The following ZNF460 variants were observed in gnomAD, a reference collection of about 807,000 sequenced individuals.
The protein encoded by ZNF460 is zinc finger protein 272.
ZNF460 carries 1 observed loss-of-function variant against 8.4 expected under a neutral mutation model. The ratio of observed to expected loss-of-function variants is 0.12; its 90% CI spans 0.04 to 0.56. The LOEUF (loss-of-function observed/expected upper bound fraction) is 0.56, where lower values mean the gene tolerates loss of function less well. Among genes scored for constraint, ZNF460 ranks in the 20% least tolerant of loss-of-function variants. The pLI, the probability that ZNF460 is intolerant of heterozygous loss-of-function variation, is 0.91. For synonymous variants in ZNF460, 262 were observed against 259.9 expected, an observed-to-expected ratio of 1.01 and a Z score of -0.08; for missense variants, 477 against 714.8, an observed-to-expected ratio of 0.67 and a Z score of 3.79.
chr19:57,284,192 C>CTTTATTTA (rs10558874), intron 1 of ZNF460, among the ~76,000 whole-genome samples: 1 of 148,804 alleles, frequency 6.7e-6, no homozygotes, highest in South Asian at 2.1e-4. Flanking sequence ...GCCTAGGAGG[C>CTTTATTTA]TTTATTTATT....
Position 57,283,502 on chromosome 19 carries a change from C to CTTTTTTTTT in ZNF460, c.31-1033_31-1025dup, listed in dbSNP as rs926242067. Reference sequence around the variant, plus strand: ...TTTTTCTTTAGTTCTTTTGACTATTCTTTTTTTTTTTTTTTTTTTTTTTTG... The same window carrying CTTTTTTTTT: ...TTTTTCTTTAGTTCTTTTGACTATTCTTTTTTTTTTTTTTTTTTTTTTTTTTTTTTTTTG... On this transcript the variant is annotated intron_variant, in intron 1 of 2. Coordinates refer to ENST00000360338, the MANE Select transcript of ZNF460 (RefSeq NM_006635.4). Among the ~76,000 whole-genome samples, 157 of 68,544 alleles carry CTTTTTTTTT rather than the reference C, an allele frequency of 2.3e-3. 9 individuals are homozygous for CTTTTTTTTT. Among genetic ancestry groups the CTTTTTTTTT allele is most frequent in the South Asian group, 4.3e-3 (7 of 1,614 alleles). 45.0% of individuals were successfully genotyped at this position (68,544 alleles called of 152,430 possible).
At chr19:57,284,449 G>T in intron 1 of ZNF460, 102 bp from the exon 2 acceptor site, 1 of 1,446,254 alleles carries the variant, frequency 6.9e-7, no homozygotes, top group Non-Finnish European at 9.3e-7. Flanking sequence ...TGGTGATTTG[G>T]CCTTTGATTC....
chr19:57,282,718 G>T (rs1388678490), intron 1 of ZNF460, among the ~76,000 whole-genome samples: 3 of 152,140 alleles, frequency 2.0e-5, no homozygotes, highest in Admixed American at 1.3e-4. Context: ...GGCTGGGCTT[G>T]GTGGCTCACA....
chr19:57,292,224 A>G lies in ZNF460; in HGVS notation c.1683A>G (p.Pro561=), dbSNP rs749061728. ...GATTCATAGTGGAAGAAACCCTACC[A>G]TTGTAACAGATGTGGAAAGACTTTT... ...INGFIVEETL[P]L The change falls in exon 3 of 3, where the codon CCA becomes CCG. Residue 561 remains proline, a synonymous_variant. Coordinates refer to ENST00000360338, the MANE Select transcript of ZNF460 (RefSeq NM_006635.4). 5 of 1,608,420 alleles carry G rather than the reference A, an allele frequency of 3.1e-6. No homozygotes were observed. Among genetic ancestry groups the G allele is most frequent in the African/African-American group, 1.3e-5 (1 of 74,938 alleles).
At chr19:57,286,743 C>T (rs1003364231) in intron 2 of ZNF460, among the ~76,000 whole-genome samples, 4 of 152,032 alleles carry the variant, frequency 2.6e-5, no homozygotes, top group Admixed American at 6.6e-5. Context: ...GGGTGGATCT[C>T]CTGAGGTCAG....
intron 2 of ZNF460, among the ~76,000 whole-genome samples, chr19:57,289,849 C>G (rs2087904100): frequency 6.6e-6 from 1 of 151,796 alleles, no homozygotes; most frequent in South Asian, 2.1e-4. Flanking sequence ...TTTAAAAATA[C>G]AAAAAATTTA....
chr19:57,286,732 C>T (rs1374097810), intron 2 of ZNF460, among the ~76,000 whole-genome samples: 2 of 151,204 alleles, frequency 1.3e-5, no homozygotes, highest in Non-Finnish European at 2.9e-5. Context: ...GAGGCTGAGG[C>T]GGGTGGATCT....
chr19:57,281,046 T>TC (rs2122879668), intron 1 of ZNF460, among the ~76,000 whole-genome samples: 1 of 152,298 alleles, frequency 6.6e-6, no homozygotes, highest in East Asian at 1.9e-4. Flanking sequence ...GGAGTGATGC[T>TC]TCCTTCTAGG....
Position 57,293,279 on chromosome 19 carries a change from C to T in ZNF460, c.*1049C>T, listed in dbSNP as rs1415935922. The T allele has an allele frequency of 1.3e-5, 2 of 152,090 alleles. No homozygotes were observed. Among genetic ancestry groups the T allele is most frequent in the Non-Finnish European group, 2.9e-5 (2 of 68,022 alleles). 9.4% of individuals were successfully genotyped at this position (152,090 alleles called of 1,614,324 possible). ...AAGTAAGTTAAAAGATTATGATAAA[C>T]TCAGAAAATAAACACAGAGAAGGAA... On this transcript the variant is annotated 3_prime_UTR_variant, in exon 3 of 3. Transcript: ENST00000360338.
chr19:57,281,814 TCTGGG>T (rs1475193543), intron 1 of ZNF460: 2 of 152,070 alleles, frequency 1.3e-5, no homozygotes, highest in African/African-American at 2.4e-5. Context: ...GATCCACCCA[TCTGGG>T]TCTCCCAAAG....
At chr19:57,281,021 C>T (rs56332937) in intron 1 of ZNF460, among the ~76,000 whole-genome samples, 185 bp downstream of exon 1, 7,303 of 152,274 alleles carry the variant, frequency 0.048, 383 homozygotes, top group East Asian at 0.28. Context: ...GATAGGTGTT[C>T]AGTCCGTGGT....
chr19:57,280,608 A>G lies in ZNF460; in HGVS notation c.-199A>G. On this transcript the variant is annotated 5_prime_UTR_variant, in exon 1 of 3. Transcript: ENST00000360338. ...GAGCCTGACGCCCCGCTTCTCCCCT[A>G]ACGAGGTGTCCCACCGGCGCCCGCC... 1 of 655,618 alleles carries G rather than the reference A, an allele frequency of 1.5e-6. No individual in the cohort carries two copies. The highest frequency in any genetic ancestry group is 2.6e-6 in the Non-Finnish European group (1 of 388,438). 40.6% of individuals were successfully genotyped at this position (655,618 alleles called of 1,614,324 possible).
chr19:57,290,790 A>C lies in ZNF460; in HGVS notation c.249A>C (p.Gly83=), dbSNP rs368592252. Residue 83 remains glycine (G), a synonymous_variant, in exon 3 of 3, where the codon GGA becomes GGC. Transcript: ENST00000360338. ...EVSLQEQLAQ[G]VPRYSYLGQA... ...CACTCCAGGAACAGCTGGCACAGGG[A>C]GTCCCAAGATACTCCTATTTGGGGC... 6.2e-7 allele frequency: 1 copy of C among 1,614,198 alleles called. No homozygotes were observed. Among genetic ancestry groups the C allele is most frequent in the East Asian group, 2.2e-5 (1 of 44,878 alleles).
rs749920169 is a variant in ZNF460 at position 57,290,773 on chromosome 19, G to A, written c.232G>A (p.Glu78Lys). 3.1e-6 allele frequency: 5 copies of A among 1,614,166 alleles called. No homozygotes were observed. The highest frequency in any genetic ancestry group is 3.4e-6 in the Non-Finnish European group (4 of 1,180,044). Residue 78 changes from glutamate (E) to lysine (K), a missense_variant, in exon 3 of 3, where the codon GAA (glutamate) becomes AAA (lysine). Transcript: ENST00000360338. ...CTTGCCTGAGGAAGTCTCACTCCAG[G>A]AACAGCTGGCACAGGGAGTCCCAAG... ...LALPEEVSLQ[E>K]QLAQGVPRYS...
chr19:57,291,654 G>A lies in ZNF460; in HGVS notation c.1113G>A (p.Lys371=). 6.2e-7 allele frequency: 1 copy of A among 1,613,896 alleles called. No individual in the cohort carries two copies. The highest frequency in any genetic ancestry group is 1.1e-5 in the South Asian group (1 of 91,070). The change falls in exon 3 of 3, where the codon AAG becomes AAA. Residue 371 remains lysine, a synonymous_variant. Transcript: ENST00000360338. The surrounding 1 kb of genome is among the most constrained non-coding windows in gnomAD (Gnocchi z 8.4). ...CCTTTGTGTGCAGTCAATGTGGAAAGGCCTTCACTCACTATTCCACCTATG... is the reference window on the plus strand; with the variant it reads ...CCTTTGTGTGCAGTCAATGTGGAAAAGCCTTCACTCACTATTCCACCTATG... ...EKPFVCSQCG[K]AFTHYSTYVL...
At chr19:57,284,775 T>C in intron 2 of ZNF460, 98 bp downstream of exon 2, 1 of 1,329,842 alleles carries the variant, frequency 7.5e-7, no homozygotes, top group Non-Finnish European at 9.8e-7. Flanking sequence ...GGAATAGGTC[T>C]TGGGAGCCAG....
chr19:57,284,114 G>A (rs1055126365), intron 1 of ZNF460, among the ~76,000 whole-genome samples: 1 of 152,094 alleles, frequency 6.6e-6, no homozygotes, highest in African/African-American at 2.4e-5. Context: ...AGCACTTACT[G>A]TCTGTGCCTC....
At position 57,293,381 on chromosome 19, in the gene ZNF460, C is replaced by G. The variant is rs1351717554; in HGVS notation, c.*1151C>G. 1 of 152,170 alleles carries G rather than the reference C, an allele frequency of 6.6e-6. No homozygotes were observed. The highest frequency in any genetic ancestry group is 6.5e-5 in the Admixed American group (1 of 15,272). 9.4% of individuals were successfully genotyped at this position (152,170 alleles called of 1,614,324 possible). On this transcript the variant is annotated 3_prime_UTR_variant, in exon 3 of 3. Coordinates refer to ENST00000360338, the MANE Select transcript of ZNF460 (RefSeq NM_006635.4). ...GTGACTGGAATTTTAACAGGTGAAC[C>G]TGCATATGTATATGCAGGTAGTTGT...
intron 2 of ZNF460, among the ~76,000 whole-genome samples, chr19:57,286,077 A>T (rs2087877443): frequency 6.6e-6 from 1 of 152,174 alleles, no homozygotes; most frequent in Admixed American, 6.5e-5. Flanking sequence ...GTAAAATGGG[A>T]CAATATGTGC....
Sources: allele counts gnomAD v4.1 joint callset (sites outside exome capture counted in the v4.1 genomes callset), GRCh38; gene constraint gnomAD v4.1.1; non-coding constraint Gnocchi (gnomAD v3.1); transcripts MANE v1.5; gene names NCBI Gene and HGNC (gene_info 2026-07-23, HGNC 2026-07-21).